Variants in PPFIBP1 observed in about 807,000 individuals in gnomAD.
PPFIBP1 encodes the protein liprin-beta-1.
In PPFIBP1, 112 loss-of-function variants were observed where a neutral mutation model predicts 137.8. That is an observed-to-expected ratio of 0.81 (90% CI 0.70 to 0.95). PPFIBP1 has a LOEUF of 0.95. Among genes scored for constraint, PPFIBP1 ranks in the 40% least tolerant of loss-of-function variants. The pLI is 0.00. For missense variants in PPFIBP1, 1,083 were observed against 1,196.6 expected, an observed-to-expected ratio of 0.91 and a Z score of 1.40; for synonymous variants, 378 against 417.3, an observed-to-expected ratio of 0.91 and a Z score of 1.15.
chr12:27,593,865 C>A lies in PPFIBP1; in HGVS notation c.-36+15626C>A, dbSNP rs1246363448. ...CTTATCCTTTCAGTCCCCCATGCCC[C>A]TTGGATGGGAGGGAGAAAGTGGATG... is the stretch of plus-strand genomic sequence containing the variant. On this transcript the variant is annotated intron_variant, in intron 2 of 29. Coordinates refer to ENST00000228425, the MANE Select transcript of PPFIBP1 (RefSeq NM_003622.4). The A allele has an allele frequency of 4.8e-6, 7 of 1,443,414 alleles. No homozygotes were observed. The Admixed American group carries it at 1.3e-4, about 26-fold the overall frequency. 89.4% of individuals were successfully genotyped at this position (1,443,414 alleles called of 1,614,324 possible). A position where few individuals can be genotyped will look rare whatever the true frequency, so the allele number is the denominator to read the frequency against.
chr12:27,613,618 G>A (rs756474089), intron 2 of PPFIBP1, among the ~76,000 whole-genome samples: 30 of 150,730 alleles, frequency 2.0e-4, no homozygotes, highest in Admixed American at 2.6e-4. Context: ...CAGGAGAATC[G>A]CTCGAACCTG....
chr12:27,550,947 A>G (rs1370299143), intron 1 of PPFIBP1, among the ~76,000 whole-genome samples: 1 of 150,062 alleles, frequency 6.7e-6, no homozygotes, highest in East Asian at 1.9e-4. Flanking sequence ...CAGTGCTTTC[A>G]TGTGCTTTGT....
chr12:27,525,154 T>C (rs1943582395), intron 1 of PPFIBP1, among the ~76,000 whole-genome samples: 1 of 152,088 alleles, frequency 6.6e-6, no homozygotes, highest in South Asian at 2.1e-4. Flanking sequence ...AGGCGTGGCA[T>C]ATAAACTCTT....
intron 2 of PPFIBP1, among the ~76,000 whole-genome samples, chr12:27,612,328 GTT>G (rs1173958726): frequency 1.9e-4 from 17 of 87,250 alleles, no homozygotes; most frequent in African/African-American, 6.7e-4. Flanking sequence ...CTTTATTGGT[GTT>G]TTTTTTTTTT....
At chr12:27,687,596 GC>G (rs1254486934) in intron 25 of PPFIBP1, 89 bp downstream of exon 25, 2 of 1,436,382 alleles carry the variant, frequency 1.4e-6, no homozygotes, top group African/African-American at 2.9e-5. Flanking sequence ...TTTTCTTGGA[GC>G]CTGCAGGAAA....
intron 3 of PPFIBP1, among the ~76,000 whole-genome samples, chr12:27,634,626 G>A (rs1309559902): frequency 6.6e-6 from 1 of 152,044 alleles, no homozygotes; most frequent in Non-Finnish European, 1.5e-5. Context: ...ATCTTCATGA[G>A]GCCAGCACAC....
At chr12:27,646,853 A>G (rs1176764781) in intron 5 of PPFIBP1, among the ~76,000 whole-genome samples, 2 of 152,216 alleles carry the variant, frequency 1.3e-5, no homozygotes, top group African/African-American at 4.8e-5. Context: ...GGAAAAACTC[A>G]AAGATCTGCT....
chr12:27,643,291 C>G (rs1249724639), intron 4 of PPFIBP1, among the ~76,000 whole-genome samples: 3 of 137,104 alleles, frequency 2.2e-5, no homozygotes, highest in African/African-American at 5.7e-5. Flanking sequence ...TATCGTCATT[C>G]TTCCATTCAA....
rs940706051 is a variant in PPFIBP1 at position 27,568,462 on chromosome 12, T to G, written c.-123-9690T>G. ...AGTTAAGAATGCCAGTGTTACATCTTTCTTCACCAAGCCCATCTCATTCAG... is the reference window on the plus strand; with the variant it reads ...AGTTAAGAATGCCAGTGTTACATCTGTCTTCACCAAGCCCATCTCATTCAG... On this transcript the variant is annotated intron_variant, in intron 1 of 29. Transcript: ENST00000228425. 2.6e-5 allele frequency among the ~76,000 whole-genome samples: 4 copies of G among 152,242 alleles called. No individual in the cohort carries two copies. In the East Asian group the frequency reaches 5.8e-4, roughly 22 times the overall value.
rs371196750 is a variant in PPFIBP1 at position 27,602,774 on chromosome 12, T to C, written c.-36+24535T>C. On this transcript the variant is annotated intron_variant, in intron 2 of 29. Transcript: ENST00000228425. ...CCCCAGGGTATAGGTTAAAAATAATTACTACCCTTGTATCACAAAAATACC... is the reference window on the plus strand; with the variant it reads ...CCCCAGGGTATAGGTTAAAAATAATCACTACCCTTGTATCACAAAAATACC... Among the ~76,000 whole-genome samples the C allele has an allele frequency of 4.6e-5, 7 of 152,220 alleles. No individual in the cohort carries two copies. In the East Asian group the frequency reaches 9.6e-4, roughly 21 times the overall value.
At chr12:27,683,068 G>A (rs1250677207) in intron 24 of PPFIBP1, among the ~76,000 whole-genome samples, 2 of 151,882 alleles carry the variant, frequency 1.3e-5, no homozygotes, top group Non-Finnish European at 2.9e-5. Flanking sequence ...GATTTTTTTT[G>A]TATTATTTCT....
At chr12:27,676,763 TTAG>T in intron 18 of PPFIBP1, 164 bp downstream of exon 18, 2 of 731,652 alleles carry the variant, frequency 2.7e-6, no homozygotes, top group Non-Finnish European at 4.5e-6. Flanking sequence ...TGGATTTAAT[TTAG>T]TGTTGTGAAG....
At chr12:27,677,582 A>C (rs996821617) in intron 19 of PPFIBP1, 1 of 155,512 alleles carries the variant, frequency 6.4e-6, no homozygotes, top group Non-Finnish European at 1.4e-5. Flanking sequence ...CATTCTTCTG[A>C]CGTTTTATTA....
intron 24 of PPFIBP1, among the ~76,000 whole-genome samples, chr12:27,685,294 C>A (rs1002308887): frequency 1.3e-5 from 2 of 151,758 alleles, no homozygotes; most frequent in Non-Finnish European, 2.9e-5. Context: ...TACACACACA[C>A]ACACACTCTG....
At chr12:27,621,122 G>A (rs2056307468) in intron 2 of PPFIBP1, among the ~76,000 whole-genome samples, 2 of 152,254 alleles carry the variant, frequency 1.3e-5, no homozygotes, top group Admixed American at 1.3e-4. Context: ...GGTTAGGGAA[G>A]GGGCTGGAAA....
chr12:27,584,669 A>G (rs1005682548), intron 2 of PPFIBP1, among the ~76,000 whole-genome samples: 1 of 152,266 alleles, frequency 6.6e-6, no homozygotes, highest in Non-Finnish European at 1.5e-5. Context: ...GTAAGCTGGT[A>G]TAGCCAGACC....
chr12:27,637,274 A>G (rs2057749481), intron 4 of PPFIBP1: 1 of 152,170 alleles, frequency 6.6e-6, no homozygotes, highest in South Asian at 2.1e-4. Flanking sequence ...TTATATTTGT[A>G]ATGAATGATG....
chr12:27,653,866 G>A (rs961278691), intron 7 of PPFIBP1, among the ~76,000 whole-genome samples: 5 of 152,156 alleles, frequency 3.3e-5, no homozygotes, highest in Admixed American at 6.5e-5. Flanking sequence ...TAAACACTAG[G>A]ATTGGTTTCT....
chr12:27,633,143 C>T (rs544077378), intron 2 of PPFIBP1, among the ~76,000 whole-genome samples: 83 of 152,160 alleles, frequency 5.5e-4, no homozygotes, highest in African/African-American at 1.9e-3. Context: ...ATTTTAAACA[C>T]CTCAAGTGCA....
Sources: allele counts gnomAD v4.1 joint callset (sites outside exome capture counted in the v4.1 genomes callset), GRCh38; gene constraint gnomAD v4.1.1; transcripts MANE v1.5; gene names NCBI Gene and HGNC (gene_info 2026-07-23, HGNC 2026-07-21).